Variants in HDAC6 observed in about 807,000 individuals in gnomAD.
The protein encoded by HDAC6 is protein deacetylase HDAC6.
Under a neutral mutation model 88.9 loss-of-function variants are expected in HDAC6, and 5 were observed. The ratio of observed to expected loss-of-function variants is 0.06; its 90% confidence interval spans 0.03 to 0.12. The LOEUF is 0.12. Ranked by LOEUF, HDAC6 falls within the 10% of genes least tolerant of loss-of-function variation. HDAC6 has a pLI of 1.00. For missense variants in HDAC6, 706 were observed against 1,014.4 expected (o/e 0.70, Z 4.13); for synonymous variants, 378 against 398.0 (o/e 0.95, Z 0.60).
At chrX:48,815,319 A>G (rs782216203) in intron 14 of HDAC6, 65 bp from the exon 15 acceptor site, 1 of 798,305 alleles carries the variant, frequency 1.3e-6, no homozygotes, top group Non-Finnish European at 1.9e-6. Context: ...TATTATCATC[A>G]TTATTATTAT....
At chrX:48,822,286 C>T (rs1168797032) in intron 23 of HDAC6, among the ~76,000 whole-genome samples, 2 of 111,919 alleles carry the variant, frequency 1.8e-5, no homozygotes, top group African/African-American at 6.5e-5. Flanking sequence ...ATAGATTGAG[C>T]GCCTGTGGTT....
At chrX:48,816,379 G>A (rs1786063129) in intron 18 of HDAC6, 86 bp from the exon 19 acceptor site, 2 of 1,115,402 alleles carry the variant, frequency 1.8e-6, no homozygotes, top group African/African-American at 3.6e-5. Flanking sequence ...CTTGAGAGGG[G>A]CTGAAGTCCC....
chrX:48,821,702 T>A (rs1370330430), intron 23 of HDAC6, among the ~76,000 whole-genome samples: 1 of 109,669 alleles, frequency 9.1e-6, no homozygotes, highest in Non-Finnish European at 1.9e-5. Context: ...AGACGGGGGT[T>A]TCACCATGTT....
chrX:48,805,459 G>A lies in HDAC6; in HGVS notation c.333G>A (p.Arg111=). The A allele has an allele frequency of 8.3e-7, 1 of 1,209,992 alleles. No homozygotes were observed. The highest frequency in any genetic ancestry group is 1.8e-5 in the South Asian group (1 of 56,711). ...WDDSFPEGPE[R]LHAIKEQLIQ... ...CCAGCTTCCCGGAAGGCCCTGAGCGGCTCCATGCCATCAAGGAGCAACTGA... is the reference window on the plus strand; with the variant it reads ...CCAGCTTCCCGGAAGGCCCTGAGCGACTCCATGCCATCAAGGAGCAACTGA... The change falls in exon 5 of 29, where the codon CGG becomes CGA. Residue 111 remains arginine, a synonymous_variant. Transcript: ENST00000334136.
chrX:48,805,528 G>A lies in HDAC6; in HGVS notation c.396+6G>A, dbSNP rs782647002. On this transcript the variant is annotated splice_donor_region_variant and intron_variant, in intron 5 of 28. Coordinates refer to ENST00000334136, the MANE Select transcript of HDAC6 (RefSeq NM_006044.4). ...ATCGCTGCGTGTCCTTTCAGGTAAG[G>A]CCCCCAAGCCAACACTCTGGGTGAA... is the stretch of plus-strand genomic sequence containing the variant. 8.3e-7 allele frequency: 1 copy of A among 1,203,073 alleles called. No individual in the cohort carries two copies. The highest frequency in any genetic ancestry group is 1.8e-5 in the South Asian group (1 of 56,133).
At chrX:48,810,366 G>A (rs1557025592) in intron 10 of HDAC6, among the ~76,000 whole-genome samples, 3 of 111,258 alleles carry the variant, frequency 2.7e-5, no homozygotes, top group Non-Finnish European at 5.7e-5. Flanking sequence ...ATGAGCCACT[G>A]TACCTAGCCT....
upstream of HDAC6, chrX:48,801,755 T>C: frequency 1.4e-6 from 1 of 721,389 alleles, no homozygotes; most frequent in African/African-American, 2.2e-5. Context: ...GCGAGAGGTG[T>C]GGCTCGCGCG....
At chrX:48,806,277 C>T in intron 6 of HDAC6, 91 bp from the exon 7 acceptor site, 3 of 564,674 alleles carry the variant, frequency 5.3e-6, no homozygotes, top group African/African-American at 2.2e-5. Flanking sequence ...GTTGGGGGAG[C>T]CAAGCCCTAA....
In HDAC6 at chrX:48,823,499, A is replaced by T; in HGVS notation, c.3100A>T (p.Thr1034Ser). Residue 1034 changes from threonine to serine, a missense_variant, in exon 25 of 29, where the codon ACC becomes TCC. By Grantham distance (58) the Thr-to-Ser change is moderately conservative. Coordinates refer to ENST00000334136, the MANE Select transcript of HDAC6 (RefSeq NM_006044.4). ...GAGCACAGACCACCAGACCCCCCCAACCTCACCTGTGCAGGGAACTACACC... is the reference window on the plus strand; with the variant it reads ...GAGCACAGACCACCAGACCCCCCCATCCTCACCTGTGCAGGGAACTACACC... ...ASSTDHQTPPTSPVQGTTPQI... is the reference protein window; with the variant it reads ...ASSTDHQTPPSSPVQGTTPQI... 8.3e-7 allele frequency: 1 copy of T among 1,209,716 alleles called. No homozygotes were observed. Among genetic ancestry groups the T allele is most frequent in the South Asian group, 1.8e-5 (1 of 56,744 alleles).
At chrX:48,808,212 C>T (rs1014430666) in intron 9 of HDAC6, 46 bp from the exon 10 acceptor site, 3 of 1,163,249 alleles carry the variant, frequency 2.6e-6, no homozygotes, top group Middle Eastern at 2.3e-4. Context: ...CCCCCAGATT[C>T]ACCTTGATCT....
At chrX:48,819,290 T>C (rs1044793301) in intron 22 of HDAC6, among the ~76,000 whole-genome samples, 1 of 112,325 alleles carries the variant, frequency 8.9e-6, no homozygotes, top group South Asian at 3.7e-4. Context: ...TACTGATCTA[T>C]ATGGTACTGT....
rs1402812336 is a variant in HDAC6 at position 48,822,905 on chromosome X, G to C, written c.2513-7G>C. The C allele has an allele frequency of 1.0e-5, 12 of 1,171,342 alleles. No individual in the cohort carries two copies. Among genetic ancestry groups the C allele is most frequent in the African/African-American group, 1.8e-5 (1 of 55,759 alleles). ...CCACACTCAAGGATCTCCCTCCCTG[G>C]TTCCAGAGGTAGAAGACAGAGAAGG... is the stretch of plus-strand genomic sequence containing the variant. On this transcript the variant is annotated splice_polypyrimidine_tract_variant and splice_region_variant and intron_variant, in intron 24 of 28. Transcript: ENST00000334136.
At chrX:48,820,643 G>A (rs1357567753) in intron 23 of HDAC6, among the ~76,000 whole-genome samples, 2 of 111,737 alleles carry the variant, frequency 1.8e-5, no homozygotes, top group Non-Finnish European at 3.8e-5. Flanking sequence ...TCCAGGGTTT[G>A]TGCTTTTTAC....
intron 19 of HDAC6, 109 bp downstream of exon 19, chrX:48,816,742 GGCCAT>G: frequency 1.4e-6 from 1 of 698,958 alleles, no homozygotes; most frequent in Non-Finnish European, 2.0e-6. Context: ...TGAGGAAAGG[GGCCAT>G]GGGGAGGGGC....
intron 8 of HDAC6, 40 bp from the exon 9 acceptor site, chrX:48,807,993 C>G (rs782414993): frequency 2.9e-5 from 27 of 936,218 alleles, no homozygotes; most frequent in Non-Finnish European, 3.8e-5. Flanking sequence ...GAGGAGGACC[C>G]CTCACATACT....
Position 48,823,923 on chromosome X carries a change from C to T in HDAC6, c.3305C>T (p.Ala1102Val). ...MQGSRGLTDQ[A>V]IFYAVTPLPW... Reference sequence around the variant, plus strand: ...CCTAGTTTCACCCACCCACTCCAGGCCATATTTTATGCTGTGACACCACTG... The same window carrying T: ...CCTAGTTTCACCCACCCACTCCAGGTCATATTTTATGCTGTGACACCACTG... The change falls in exon 27 of 29, where the codon GCC becomes GTC. Residue 1102 changes from alanine to valine, a missense_variant and splice_region_variant. Ala to Val is a moderately conservative substitution (Grantham distance 64). Transcript: ENST00000334136. 2 of 1,209,339 alleles carry T rather than the reference C, an allele frequency of 1.7e-6. No individual in the cohort carries two copies. Among genetic ancestry groups the T allele is most frequent in the Non-Finnish European group, 2.2e-6 (2 of 893,551 alleles).
intron 4 of HDAC6, among the ~76,000 whole-genome samples, chrX:48,804,094 G>A (rs781804134): frequency 3.0e-4 from 33 of 111,639 alleles, no homozygotes; most frequent in African/African-American, 9.4e-4. Context: ...TCTGGGAGGC[G>A]GAGGTTGCAG....
chrX:48,815,164 C>G lies in HDAC6; in HGVS notation c.1149+113C>G, dbSNP rs781785363. ...GGAATTCACTTACTAGCTGGACAAC[C>G]TTGCATAAGTCACTTCACTTCTTTG... On this transcript the variant is annotated intron_variant, in intron 14 of 28. Transcript: ENST00000334136. 1.9e-4 allele frequency: 123 copies of G among 661,212 alleles called. 1 individual carries two copies. The South Asian group carries it at 3.1e-3, about 16-fold the overall frequency. 54.5% of individuals were successfully genotyped at this position (661,212 alleles called of 1,213,427 possible).
chrX:48,818,444 T>C (rs782139287), intron 22 of HDAC6, 32 bp downstream of exon 22: 12 of 1,102,002 alleles, frequency 1.1e-5, no homozygotes, highest in Admixed American at 3.0e-5. Flanking sequence ...AGGACGTATG[T>C]GACACGCCTG....
Sources: gnomAD v4.1 joint callset for allele counts (sites outside exome capture counted in the v4.1 genomes callset) on GRCh38, gnomAD v4.1.1 for gene constraint, MANE v1.5 for transcripts, NCBI Gene and HGNC (gene_info 2026-07-23, HGNC 2026-07-21) for gene names.